PITPNC1: variants seen among roughly 807,000 people sequenced by gnomAD.
The protein encoded by PITPNC1 is phosphatidylinositol transfer protein cytoplasmic 1, also known as cytoplasmic phosphatidylinositol transfer protein 1.
In PITPNC1, 18 loss-of-function variants were observed where a neutral mutation model predicts 44.7. The ratio of observed to expected loss-of-function variants is 0.40; its 90% CI spans 0.28 to 0.60. The LOEUF (loss-of-function observed/expected upper bound fraction) is 0.60. PITPNC1 is among the 20% of genes least tolerant of loss of function. The pLI, the probability that PITPNC1 is intolerant of heterozygous loss-of-function variation, is 0.39. For missense variants in PITPNC1, 290 were observed against 418.4 expected, an observed-to-expected ratio of 0.69 and a Z score of 2.68; for synonymous variants, 141 against 149.6, an observed-to-expected ratio of 0.94 and a Z score of 0.42.
At chr17:67,664,920 A>G (rs1460016502) in intron 6 of PITPNC1, among the ~76,000 whole-genome samples, 1 of 137,476 alleles carries the variant, frequency 7.3e-6, no homozygotes, top group Non-Finnish European at 1.5e-5. Flanking sequence ...AAAAAAAAAA[A>G]GAAGAAGAAG....
At chr17:67,625,191 A>G (rs1424154160) in intron 5 of PITPNC1, among the ~76,000 whole-genome samples, 4 of 152,276 alleles carry the variant, frequency 2.6e-5, no homozygotes, top group South Asian at 4.1e-4. Context: ...TCTCTGATAA[A>G]TAGCCAAAGA....
intron 5 of PITPNC1, among the ~76,000 whole-genome samples, chr17:67,594,941 A>G (rs534686998): frequency 6.6e-6 from 1 of 152,240 alleles, no homozygotes; most frequent in East Asian, 1.9e-4. Context: ...GACATTCAGC[A>G]TGTTTTAACA....
intron 5 of PITPNC1, among the ~76,000 whole-genome samples, chr17:67,608,943 T>C (rs2041651759): frequency 6.6e-6 from 1 of 152,184 alleles, no homozygotes; most frequent in African/African-American, 2.4e-5. Flanking sequence ...GAATTCTGTA[T>C]TAGCAATACT....
chr17:67,421,110 T>C (rs1231587046), intron 1 of PITPNC1, among the ~76,000 whole-genome samples: 1 of 152,070 alleles, frequency 6.6e-6, no homozygotes, highest in African/African-American at 2.4e-5. Flanking sequence ...TCCTTCCAGG[T>C]AGGCTGAGAG....
intron 1 of PITPNC1, among the ~76,000 whole-genome samples, chr17:67,433,439 G>A (rs2038887230): frequency 6.6e-6 from 1 of 152,186 alleles, no homozygotes; most frequent in Non-Finnish European, 1.5e-5. Context: ...CCGGGCAGAA[G>A]ATAGAACAGA....
chr17:67,493,654 G>A (rs138363224), intron 1 of PITPNC1, among the ~76,000 whole-genome samples: 2 of 152,346 alleles, frequency 1.3e-5, no homozygotes, highest in Non-Finnish European at 2.9e-5. Flanking sequence ...CTGGAAATGG[G>A]GGAGGGTGGC....
chr17:67,381,949 A>G (rs929520960), intron 1 of PITPNC1, among the ~76,000 whole-genome samples: 1 of 152,084 alleles, frequency 6.6e-6, no homozygotes, highest in Non-Finnish European at 1.5e-5. Flanking sequence ...CTGGTGTGTT[A>G]TTATCTATAT....
At chr17:67,383,842 C>T (rs2055238561) in intron 1 of PITPNC1, among the ~76,000 whole-genome samples, 1 of 151,868 alleles carries the variant, frequency 6.6e-6, no homozygotes. Flanking sequence ...AGTTTGAGAC[C>T]AGCCTGACTA....
rs367949871 is a variant in PITPNC1 at position 67,692,637 on chromosome 17, G to A, written c.748G>A (p.Gly250Ser). The change falls in exon 9 of 9, where the codon GGC becomes AGC. Residue 250 changes from glycine (G) to serine (S), a missense_variant. Gly to Ser is a moderately conservative substitution (Grantham distance 56). Transcript: ENST00000581322. ...ATQEATNKKI[G>S]IFPPAISISS... ...TCAGGAAGCCACCAACAAGAAAATC[G>A]GCATTTTCCCACCTGCAATTTCTAT... The A allele has an allele frequency of 2.0e-5, 33 of 1,613,586 alleles. No homozygotes were observed. In the Admixed American group the frequency reaches 2.8e-4, roughly 14 times the overall value.
intron 1 of PITPNC1, among the ~76,000 whole-genome samples, chr17:67,398,959 T>C (rs2038263206): frequency 6.6e-6 from 1 of 151,708 alleles, no homozygotes; most frequent in South Asian, 2.1e-4. Context: ...CATAGAGTGG[T>C]TGACGCAGAG....
intron 5 of PITPNC1, among the ~76,000 whole-genome samples, chr17:67,584,695 A>T (rs1031557952): frequency 6.6e-6 from 1 of 152,230 alleles, no homozygotes; most frequent in Non-Finnish European, 1.5e-5. Flanking sequence ...TGCACTCATG[A>T]TGATTTCCCA....
At chr17:67,630,984 T>C (rs911252903) in intron 5 of PITPNC1, among the ~76,000 whole-genome samples, 19 of 151,718 alleles carry the variant, frequency 1.3e-4, no homozygotes, top group Non-Finnish European at 1.3e-4. Flanking sequence ...AGCGCTGCGA[T>C]TACAGGCATG....
chr17:67,533,499 G>A (rs796827932), intron 2 of PITPNC1, among the ~76,000 whole-genome samples: 3 of 26,362 alleles, frequency 1.1e-4, no homozygotes, highest in African/African-American at 4.3e-4. Flanking sequence ...AACAGAGTGA[G>A]GCCCTTGAAA....
chr17:67,507,049 C>T (rs9909210), intron 1 of PITPNC1, among the ~76,000 whole-genome samples: 79,392 of 151,920 alleles, frequency 0.52, 20,975 homozygotes, highest in East Asian at 0.62. Context: ...GACATAGACC[C>T]ACTCGTTAGG....
chr17:67,569,077 G>T (rs576859056), intron 4 of PITPNC1, among the ~76,000 whole-genome samples: 2 of 149,680 alleles, frequency 1.3e-5, no homozygotes. Flanking sequence ...AGCCACTATC[G>T]TCTCTCTCCC....
At chr17:67,528,260 T>C (rs2040416259) in intron 1 of PITPNC1, among the ~76,000 whole-genome samples, 1 of 152,208 alleles carries the variant, frequency 6.6e-6, no homozygotes, top group Non-Finnish European at 1.5e-5. Flanking sequence ...CAGGCTGGTC[T>C]TGAACCCCTG....
chr17:67,682,715 A>G (rs930672215), intron 8 of PITPNC1, among the ~76,000 whole-genome samples: 1 of 152,210 alleles, frequency 6.6e-6, no homozygotes, highest in African/African-American at 2.4e-5. Flanking sequence ...ATTCTCTTAA[A>G]TTAGGCAATT....
At chr17:67,549,872 G>C (rs1002036132) in intron 2 of PITPNC1, among the ~76,000 whole-genome samples, 1 of 152,150 alleles carries the variant, frequency 6.6e-6, no homozygotes, top group African/African-American at 2.4e-5. Context: ...CTCCAACCCT[G>C]AGTCAGTCCA....
intron 4 of PITPNC1, among the ~76,000 whole-genome samples, chr17:67,553,837 T>C (rs2040799016): frequency 6.6e-6 from 1 of 152,260 alleles, no homozygotes; most frequent in South Asian, 2.1e-4. Flanking sequence ...ATCGCCTTGA[T>C]AGTCACTTTA....
Sources: allele counts gnomAD v4.1 joint callset (sites outside exome capture counted in the v4.1 genomes callset), GRCh38; gene constraint gnomAD v4.1.1; transcripts MANE v1.5; gene names NCBI Gene and HGNC (gene_info 2026-07-23, HGNC 2026-07-21).